The following TXNDC16 variants were observed in gnomAD, a reference collection of about 807,000 sequenced individuals.
TXNDC16 encodes the protein thioredoxin domain-containing protein 16.
In TXNDC16, 74 loss-of-function variants were observed where a neutral mutation model predicts 85.6. The ratio of observed to expected loss-of-function variants is 0.86; its 90% CI spans 0.72 to 1.05. The LOEUF (loss-of-function observed/expected upper bound fraction) is 1.05. Ranked by LOEUF, TXNDC16 falls within the 50% of genes least tolerant of loss-of-function variation. The pLI, the probability that TXNDC16 is intolerant of heterozygous loss-of-function variation, is 0.00. For missense variants in TXNDC16, 959 were observed against 947.0 expected, an observed-to-expected ratio of 1.01 and a Z score of -0.17; for synonymous variants, 335 against 326.5, an observed-to-expected ratio of 1.03 and a Z score of -0.28.
chr14:52,448,974 T>C (rs566959428), intron 18 of TXNDC16, among the ~76,000 whole-genome samples: 1 of 151,852 alleles, frequency 6.6e-6, no homozygotes, highest in East Asian at 1.9e-4. Flanking sequence ...AAAAAAATTT[T>C]AAAAAAATTA....
At chr14:52,472,239 C>T (rs549518707) in intron 14 of TXNDC16, among the ~76,000 whole-genome samples, 22 of 151,600 alleles carry the variant, frequency 1.5e-4, no homozygotes, top group Non-Finnish European at 7.4e-5. Context: ...CTCTTGTTGC[C>T]CAGGCTGGAG....
intron 7 of TXNDC16, among the ~76,000 whole-genome samples, chr14:52,516,106 T>G (rs1024395322): frequency 3.9e-5 from 6 of 152,170 alleles, no homozygotes; most frequent in African/African-American, 1.4e-4. Context: ...CTGCAGAGCC[T>G]TCTGATTTGC....
intron 9 of TXNDC16, among the ~76,000 whole-genome samples, chr14:52,501,987 C>T (rs1236777253): frequency 1.3e-5 from 2 of 152,200 alleles, no homozygotes; most frequent in Non-Finnish European, 2.9e-5. Flanking sequence ...GCTTTGTCTC[C>T]TTTTCTGTAC....
intron 6 of TXNDC16, among the ~76,000 whole-genome samples, chr14:52,527,240 G>C (rs1229525994): frequency 6.6e-6 from 1 of 152,154 alleles, no homozygotes; most frequent in African/African-American, 2.4e-5. Flanking sequence ...TGGCATCTCA[G>C]GTAGGGGGCA....
intron 4 of TXNDC16, among the ~76,000 whole-genome samples, chr14:52,538,367 C>T (rs2037750835): frequency 3.3e-5 from 5 of 152,092 alleles, no homozygotes; most frequent in Non-Finnish European, 7.4e-5. Flanking sequence ...TCAGAGCAGC[C>T]ATACCAGCCC....
chr14:52,546,797 C>T (rs541073803), intron 1 of TXNDC16, among the ~76,000 whole-genome samples: 8 of 152,324 alleles, frequency 5.3e-5, no homozygotes, highest in East Asian at 3.9e-4. Flanking sequence ...GCCACCTTAA[C>T]GAAAACTCCA....
At chr14:52,502,369 T>G (rs2140169340) in intron 9 of TXNDC16, among the ~76,000 whole-genome samples, 1 of 152,340 alleles carries the variant, frequency 6.6e-6, no homozygotes, top group East Asian at 1.9e-4. Context: ...TGAACAGTGG[T>G]TAGAGCAGGG....
At chr14:52,547,363 T>C (rs1483979464) in intron 1 of TXNDC16, among the ~76,000 whole-genome samples, 1 of 152,196 alleles carries the variant, frequency 6.6e-6, no homozygotes, top group Non-Finnish European at 1.5e-5. Flanking sequence ...TCTAAAATAA[T>C]GACATAAATA....
intron 16 of TXNDC16, among the ~76,000 whole-genome samples, chr14:52,466,169 G>A (rs1173508035): frequency 6.6e-6 from 1 of 151,064 alleles, no homozygotes; most frequent in Non-Finnish European, 1.5e-5. Context: ...AAGGTAATAT[G>A]AATCCATAAC....
intron 6 of TXNDC16, among the ~76,000 whole-genome samples, chr14:52,529,792 TAATA>T (rs1479549212): frequency 5.2e-5 from 6 of 114,858 alleles, no homozygotes; most frequent in South Asian, 2.5e-4. Flanking sequence ...ATATATTATA[TAATA>T]ATTATATATG....
chr14:52,490,840 T>A lies in TXNDC16; in HGVS notation c.922A>T (p.Arg308Trp), dbSNP rs1482634759. ...GTAAATATTCGATGTTTAAGATACC[T>A]TAACAAGAGTAGAACTCCTGCTTTT... ...LGKAGVLLLLRDSLEVNIPQD... is the reference protein window; with the variant it reads ...LGKAGVLLLLWDSLEVNIPQD... Residue 308 changes from arginine to tryptophan, a missense_variant and splice_region_variant, in exon 10 of 21, where the codon AGG (arginine) becomes TGG (tryptophan). By Grantham distance (101) the Arg-to-Trp change is moderately radical. Coordinates refer to ENST00000281741, the MANE Select transcript of TXNDC16 (RefSeq NM_020784.3). The A allele has an allele frequency of 1.2e-6, 2 of 1,607,616 alleles. No individual in the cohort carries two copies. The highest frequency in any genetic ancestry group is 4.5e-5 in the East Asian group (2 of 44,842).
intron 14 of TXNDC16, among the ~76,000 whole-genome samples, chr14:52,471,400 C>A (rs1161872009): frequency 6.6e-6 from 1 of 152,162 alleles, no homozygotes; most frequent in Non-Finnish European, 1.5e-5. Context: ...CTAGAGATAT[C>A]TTTTCAAAAC....
intron 9 of TXNDC16, among the ~76,000 whole-genome samples, chr14:52,495,929 G>A (rs1251816486): frequency 1.3e-5 from 2 of 152,114 alleles, no homozygotes; most frequent in African/African-American, 4.8e-5. Flanking sequence ...GGAGGCTGAG[G>A]CAGGCGGATC....
chr14:52,537,469 G>T, intron 5 of TXNDC16, 130 bp downstream of exon 5: 1 of 677,788 alleles, frequency 1.5e-6, no homozygotes, highest in Non-Finnish European at 2.6e-6. Context: ...CTATTACTTG[G>T]ACTTTTGGTT....
At chr14:52,449,142 C>T (rs981411587) in intron 18 of TXNDC16, among the ~76,000 whole-genome samples, 1 of 150,912 alleles carries the variant, frequency 6.6e-6, no homozygotes, top group African/African-American at 2.4e-5. Context: ...TCAAAAGACA[C>T]AGAATGGCTG....
intron 6 of TXNDC16, among the ~76,000 whole-genome samples, chr14:52,529,090 A>G (rs1424821209): frequency 1.3e-5 from 2 of 150,838 alleles, no homozygotes; most frequent in Non-Finnish European, 1.5e-5. Flanking sequence ...ACGTCCAACA[A>G]TGATAGACTG....
chr14:52,464,336 G>A lies in TXNDC16; in HGVS notation c.1618+5701C>T, dbSNP rs192759438. Among the ~76,000 whole-genome samples, 260 of 152,232 alleles carry A rather than the reference G, an allele frequency of 1.7e-3. 1 individual carries two copies. The highest frequency in any genetic ancestry group is 6.1e-3 in the African/African-American group (255 of 41,530). ...CTTAGGGCTAAGTTTTATGACAAACGACAGTGTTTTCTAGACTTTCTACAT... is the reference window on the plus strand; with the variant it reads ...CTTAGGGCTAAGTTTTATGACAAACAACAGTGTTTTCTAGACTTTCTACAT... On this transcript the variant is annotated intron_variant, in intron 16 of 20. Coordinates refer to ENST00000281741, the MANE Select transcript of TXNDC16 (RefSeq NM_020784.3).
chr14:52,511,909 C>G (rs1026176275), intron 8 of TXNDC16, among the ~76,000 whole-genome samples: 4 of 152,110 alleles, frequency 2.6e-5, no homozygotes, highest in African/African-American at 9.7e-5. Flanking sequence ...TTACAAAACT[C>G]AGCAAATATG....
intron 11 of TXNDC16, among the ~76,000 whole-genome samples, chr14:52,489,370 A>G (rs2036349363): frequency 6.6e-6 from 1 of 152,182 alleles, no homozygotes; most frequent in Admixed American, 6.5e-5. Context: ...CTTTTAAAAT[A>G]TGAAATTTTA....
Sources: allele counts gnomAD v4.1 joint callset (sites outside exome capture counted in the v4.1 genomes callset), GRCh38; gene constraint gnomAD v4.1.1; transcripts MANE v1.5; gene names NCBI Gene and HGNC (gene_info 2026-07-23, HGNC 2026-07-21).